NR3C2: variants seen among roughly 807,000 people sequenced by gnomAD.
NR3C2 encodes mineralocorticoid receptor.
NR3C2 carries 15 observed loss-of-function variants against 86.4 expected under a neutral mutation model. The ratio of observed to expected loss-of-function variants is 0.17; its 90% CI spans 0.12 to 0.27. The LOEUF (loss-of-function observed/expected upper bound fraction) is 0.27. NR3C2 is among the 10% of genes least tolerant of loss of function. The pLI is 1.00. For missense variants in NR3C2, 960 were observed against 1,195.6 expected (o/e 0.80, Z 2.91); for synonymous variants, 458 against 450.5 (o/e 1.02, Z -0.21).
At chr4:148,357,912 T>C (rs1237195127) in intron 2 of NR3C2, among the ~76,000 whole-genome samples, 1 of 152,218 alleles carries the variant, frequency 6.6e-6, no homozygotes, top group Non-Finnish European at 1.5e-5. Context: ...TATGCTGTTG[T>C]AAGAGGAAAA....
intron 2 of NR3C2, among the ~76,000 whole-genome samples, chr4:148,399,912 C>T (rs1437940424): frequency 3.9e-5 from 6 of 152,188 alleles, no homozygotes; most frequent in Non-Finnish European, 1.5e-5. Context: ...AATACAGATG[C>T]AAACCATAAA....
intron 2 of NR3C2, among the ~76,000 whole-genome samples, chr4:148,275,910 GTTTTT>G (rs902453159): frequency 6.6e-6 from 1 of 151,636 alleles, no homozygotes; most frequent in Non-Finnish European, 1.5e-5. Context: ...TCAACTTAGG[GTTTTT>G]TTTAAAACAA....
rs1364800910 is a variant in NR3C2, at chr4:148,440,943, A to G, written c.-3+1217T>C. On this transcript the variant is annotated intron_variant, in intron 1 of 8. Coordinates refer to ENST00000358102, the MANE Select transcript of NR3C2 (RefSeq NM_000901.5). ...TTATTTGACTATAAGATGGCACTTT[A>G]AAGACTAAAGCTTAAGAATCTCACA... Among the ~76,000 whole-genome samples, 4 of 152,238 alleles carry G rather than the reference A, an allele frequency of 2.6e-5. No individual in the cohort carries two copies. In the East Asian group the frequency reaches 7.7e-4, roughly 29 times the overall value.
chr4:148,124,937 T>C (rs2149737494), intron 6 of NR3C2, among the ~76,000 whole-genome samples: 1 of 152,376 alleles, frequency 6.6e-6, no homozygotes, highest in African/African-American at 2.4e-5. Flanking sequence ...ACATTTCTGT[T>C]CTTTTCCATA....
chr4:148,339,697 C>T lies in NR3C2; in HGVS notation c.1758-79580G>A, dbSNP rs1744661069. Among the ~76,000 whole-genome samples the T allele has an allele frequency of 2.0e-5, 3 of 152,062 alleles. No homozygotes were observed. The South Asian group carries it at 6.2e-4, about 32-fold the overall frequency. On this transcript the variant is annotated intron_variant, in intron 2 of 8. Coordinates refer to ENST00000358102, the MANE Select transcript of NR3C2 (RefSeq NM_000901.5). ...AAAAAAAGTCCTTTCACTGTAAGTCCTAGCCAGAGCAATTAGACAAGAAAA... is the reference window on the plus strand; with the variant it reads ...AAAAAAAGTCCTTTCACTGTAAGTCTTAGCCAGAGCAATTAGACAAGAAAA...
At chr4:148,087,942 T>A (rs1037534640) in intron 8 of NR3C2, among the ~76,000 whole-genome samples, 1 of 152,094 alleles carries the variant, frequency 6.6e-6, no homozygotes, top group Non-Finnish European at 1.5e-5. Context: ...ACCTACAGAA[T>A]GGGAGAAAAT....
chr4:148,133,279 T>G (rs577614455), intron 6 of NR3C2, among the ~76,000 whole-genome samples: 1 of 152,260 alleles, frequency 6.6e-6, no homozygotes, highest in African/African-American at 2.4e-5. Context: ...CTATAGATTT[T>G]AATACTAAAT....
intron 3 of NR3C2, among the ~76,000 whole-genome samples, chr4:148,225,558 A>T (rs1169433559): frequency 6.6e-6 from 1 of 152,078 alleles, no homozygotes. Context: ...TTCATTTAGA[A>T]AATATTTATT....
intron 3 of NR3C2, among the ~76,000 whole-genome samples, chr4:148,196,147 A>C (rs1452463449): frequency 6.6e-6 from 1 of 152,182 alleles, no homozygotes; most frequent in African/African-American, 2.4e-5. Flanking sequence ...ATGTATTCCA[A>C]AAGTAGAGCT....
chr4:148,214,818 T>C (rs561963693), intron 3 of NR3C2, among the ~76,000 whole-genome samples: 14 of 152,352 alleles, frequency 9.2e-5, no homozygotes, highest in Middle Eastern at 3.4e-3. Context: ...CGAGAGTTTA[T>C]ATGAAATCTC....
chr4:148,111,924 T>C (rs925437145), intron 8 of NR3C2, among the ~76,000 whole-genome samples: 5 of 152,196 alleles, frequency 3.3e-5, no homozygotes, highest in Admixed American at 6.5e-5. Flanking sequence ...TTCACAGGTG[T>C]GCATAGAAGT....
intron 2 of NR3C2, among the ~76,000 whole-genome samples, chr4:148,424,973 T>C (rs1410587008): frequency 6.6e-6 from 1 of 152,198 alleles, no homozygotes; most frequent in South Asian, 2.1e-4. Flanking sequence ...TTGGAATATA[T>C]CATTACCAAC....
chr4:148,234,218 A>C (rs11724292), intron 3 of NR3C2, among the ~76,000 whole-genome samples: 23,295 of 152,232 alleles, frequency 0.15, 2,179 homozygotes, highest in Admixed American at 0.24. Flanking sequence ...CAATATGTTC[A>C]GTTTCTCTAT....
At chr4:148,085,826 A>G (rs1323465279) in intron 8 of NR3C2, among the ~76,000 whole-genome samples, 1 of 152,232 alleles carries the variant, frequency 6.6e-6, no homozygotes, top group Non-Finnish European at 1.5e-5. Context: ...AGAAATACAA[A>G]TTACCATCAG....
chr4:148,113,891 C>G (rs1332370356), intron 8 of NR3C2, among the ~76,000 whole-genome samples: 1 of 152,136 alleles, frequency 6.6e-6, no homozygotes, highest in African/African-American at 2.4e-5. Flanking sequence ...CTACTCTTGG[C>G]CCATCCTGTA....
At chr4:148,099,762 G>C (rs150374714) in intron 8 of NR3C2, among the ~76,000 whole-genome samples, 150 of 152,290 alleles carry the variant, frequency 9.8e-4, no homozygotes, top group African/African-American at 3.5e-3. Flanking sequence ...TAGACAATAA[G>C]ATAGTTTCCC....
intron 2 of NR3C2, among the ~76,000 whole-genome samples, chr4:148,283,281 T>C (rs1579104337): frequency 6.6e-6 from 1 of 152,290 alleles, no homozygotes; most frequent in East Asian, 1.9e-4. Context: ...ATAAGCACCA[T>C]TGGTTAGTCT....
chr4:148,265,064 A>G (rs1052226710), intron 2 of NR3C2, among the ~76,000 whole-genome samples: 2 of 152,212 alleles, frequency 1.3e-5, no homozygotes, highest in South Asian at 4.1e-4. Context: ...GTTCACAGAA[A>G]GAAGTTTATC....
chr4:148,271,355 G>C (rs72655256), intron 2 of NR3C2, among the ~76,000 whole-genome samples: 36 of 152,186 alleles, frequency 2.4e-4, no homozygotes, highest in Non-Finnish European at 3.1e-4. Flanking sequence ...AAGGAATCCT[G>C]AGTACTTTCT....
Sources: gnomAD v4.1 joint callset for allele counts (sites outside exome capture counted in the v4.1 genomes callset) on GRCh38, gnomAD v4.1.1 for gene constraint, MANE v1.5 for transcripts, NCBI Gene and HGNC (gene_info 2026-07-23, HGNC 2026-07-21) for gene names.